SIM1: variants seen among roughly 807,000 people sequenced by gnomAD.
The protein encoded by SIM1 is SIM bHLH transcription factor 1, also known as single-minded homolog 1.
Under a neutral mutation model 78.2 loss-of-function variants are expected in SIM1, and 18 were observed. The ratio of observed to expected loss-of-function variants is 0.23; its 90% CI spans 0.16 to 0.34. The LOEUF (loss-of-function observed/expected upper bound fraction) is 0.34, where lower values mean the gene tolerates loss of function less well. Among genes scored for constraint, SIM1 ranks in the 10% least tolerant of loss-of-function variants. The pLI is 1.00. For synonymous variants in SIM1, 417 were observed against 385.2 expected, an observed-to-expected ratio of 1.08 and a Z score of -0.97; for missense variants, 939 against 975.1, an observed-to-expected ratio of 0.96 and a Z score of 0.49.
intron 9 of SIM1, among the ~76,000 whole-genome samples, chr6:100,432,255 C>T (rs780993806): frequency 2.6e-5 from 4 of 152,192 alleles, no homozygotes; most frequent in Non-Finnish European, 5.9e-5. Flanking sequence ...CAGCACGCCT[C>T]GGAAGCACCT....
rs547234968 is a variant in SIM1 at position 100,386,996 on chromosome 6, A to G, written c.*3365T>C. On this transcript the variant is annotated 3_prime_UTR_variant, in exon 12 of 12. Transcript: ENST00000369208. ...CTATATATTCCCAATAACAATTTAAACAGAATTTTCCCAAGAAAGATTGGG... is the reference window on the plus strand; with the variant it reads ...CTATATATTCCCAATAACAATTTAAGCAGAATTTTCCCAAGAAAGATTGGG... 1.3e-5 allele frequency: 2 copies of G among 152,196 alleles called. No individual in the cohort carries two copies. The highest frequency in any genetic ancestry group is 4.1e-4 in the South Asian group (2 of 4,828). 9.4% of individuals were successfully genotyped at this position (152,196 alleles called of 1,614,324 possible).
At chr6:100,439,944 CAA>C in intron 9 of SIM1, among the ~76,000 whole-genome samples, 1 of 152,160 alleles carries the variant, frequency 6.6e-6, no homozygotes, top group Non-Finnish European at 1.5e-5. Context: ...TCACCACACA[CAA>C]AGAGCACAAA....
intron 9 of SIM1, among the ~76,000 whole-genome samples, chr6:100,427,938 G>A (rs1255117789): frequency 6.6e-6 from 1 of 152,056 alleles, no homozygotes; most frequent in African/African-American, 2.4e-5. Context: ...ATGCTCACTT[G>A]CAAGAGATTA....
intron 10 of SIM1, among the ~76,000 whole-genome samples, chr6:100,395,855 T>C (rs902603248): frequency 2.0e-5 from 3 of 152,200 alleles, no homozygotes; most frequent in Non-Finnish European, 2.9e-5. Flanking sequence ...TATGCCAATA[T>C]AGCATGCTCA....
chr6:100,445,786 G>A (rs1276444219), intron 9 of SIM1, among the ~76,000 whole-genome samples: 1 of 152,074 alleles, frequency 6.6e-6, no homozygotes, highest in African/African-American at 2.4e-5. Flanking sequence ...CTTAAAGAAT[G>A]TCCGTTTCCT....
At chr6:100,455,606 T>C (rs1240806115) in intron 2 of SIM1, among the ~76,000 whole-genome samples, 7 of 152,284 alleles carry the variant, frequency 4.6e-5, no homozygotes, top group Non-Finnish European at 2.9e-5. Flanking sequence ...AAGGACCCTA[T>C]TGGGAAAGCC....
At chr6:100,457,711 C>A (rs1772706389) in intron 2 of SIM1, among the ~76,000 whole-genome samples, 1 of 152,262 alleles carries the variant, frequency 6.6e-6, no homozygotes, top group Admixed American at 6.5e-5. Context: ...GGTCCCTTCA[C>A]GCACCAAGGC....
chr6:100,390,721 G>C lies in SIM1; in HGVS notation c.1941C>G (p.Asp647Glu). 1 of 1,614,154 alleles carries C rather than the reference G, an allele frequency of 6.2e-7. No homozygotes were observed. ...EGKMLSPHEN[D>E]YDNSPTALSR... Reference sequence around the variant, plus strand: ...ATAGTGCGGTGGGACTGTTGTCATAGTCATTTTCATGGGGGCTCAACATTT... The same window carrying C: ...ATAGTGCGGTGGGACTGTTGTCATACTCATTTTCATGGGGGCTCAACATTT... Residue 647 changes from aspartate to glutamate, a missense_variant, in exon 12 of 12, where the codon GAC becomes GAG. Asp to Glu is a conservative substitution (Grantham distance 45). Transcript: ENST00000369208.
chr6:100,458,018 CTCTCTCTCTCTCTCTCTCTCTCTCTCTCT>C (rs1772724777), intron 2 of SIM1, among the ~76,000 whole-genome samples: 2 of 87,622 alleles, frequency 2.3e-5, no homozygotes, highest in Admixed American at 1.2e-4. Context: ...CTCTCTCTCT[CTCTCTCTCTCTCTCTCTCTCTCTCTCTCT>C]CTCTCTCTCT....
At chr6:100,422,263 G>T (rs1771611124) in intron 9 of SIM1, among the ~76,000 whole-genome samples, 1 of 152,078 alleles carries the variant, frequency 6.6e-6, no homozygotes, top group Admixed American at 6.5e-5. Context: ...GAGTGCAGTG[G>T]CATGATCTCA....
intron 10 of SIM1, among the ~76,000 whole-genome samples, chr6:100,397,723 A>C (rs1286129263): frequency 6.6e-6 from 1 of 152,152 alleles, no homozygotes; most frequent in Non-Finnish European, 1.5e-5. Context: ...GACCCCGTGA[A>C]GAGGATGAAA....
chr6:100,429,164 T>C (rs1771823465), intron 9 of SIM1, among the ~76,000 whole-genome samples: 2 of 151,744 alleles, frequency 1.3e-5, no homozygotes, highest in South Asian at 4.2e-4. Flanking sequence ...AGGTCAGGAG[T>C]TTGAGACCAA....
At chr6:100,412,188 C>A (rs1010196849) in intron 10 of SIM1, among the ~76,000 whole-genome samples, 8 of 151,902 alleles carry the variant, frequency 5.3e-5, no homozygotes, top group Admixed American at 1.3e-4. Flanking sequence ...GGCTGAGGGA[C>A]CTCCCAGGAC....
At chr6:100,435,781 G>T (rs572005257) in intron 9 of SIM1, among the ~76,000 whole-genome samples, 15 of 151,926 alleles carry the variant, frequency 9.9e-5, no homozygotes, top group Admixed American at 6.6e-4. Flanking sequence ...AATCCTATCA[G>T]AACTCAAACC....
intron 9 of SIM1, among the ~76,000 whole-genome samples, chr6:100,443,296 T>C (rs927578075): frequency 5.9e-5 from 9 of 152,104 alleles, no homozygotes; most frequent in African/African-American, 2.2e-4. Context: ...TGTGAGATTT[T>C]CTAGGAAAGC....
chr6:100,398,995 G>T (rs1770841012), intron 10 of SIM1, among the ~76,000 whole-genome samples: 1 of 151,480 alleles, frequency 6.6e-6, no homozygotes, highest in Non-Finnish European at 1.5e-5. Context: ...CATCCTAATG[G>T]GTGTGAGAGG....
chr6:100,433,740 C>CCACCCACA (rs1554222892), intron 9 of SIM1, among the ~76,000 whole-genome samples: 1 of 124,292 alleles, frequency 8.0e-6, no homozygotes. Flanking sequence ...ACCCCCCCAC[C>CCACCCACA]CACACACACA....
intron 9 of SIM1, among the ~76,000 whole-genome samples, chr6:100,440,245 C>T (rs1772173596): frequency 6.6e-6 from 1 of 152,110 alleles, no homozygotes; most frequent in Non-Finnish European, 1.5e-5. Context: ...ACATATGGGG[C>T]AACAGAGGGT....
chr6:100,442,317 G>C (rs548801333), intron 9 of SIM1, among the ~76,000 whole-genome samples: 1 of 152,284 alleles, frequency 6.6e-6, no homozygotes, highest in East Asian at 1.9e-4. Flanking sequence ...TTTCAAAAGA[G>C]ACTAAATCTC....
Sources: gnomAD v4.1 joint callset for allele counts (sites outside exome capture counted in the v4.1 genomes callset) on GRCh38, gnomAD v4.1.1 for gene constraint, MANE v1.5 for transcripts, NCBI Gene and HGNC (gene_info 2026-07-23, HGNC 2026-07-21) for gene names.